Variants in NAA35 observed in about 807,000 individuals in gnomAD.
NAA35 encodes the protein N-alpha-acetyltransferase 35, NatC auxiliary subunit, also known as MAK10 homolog, amino-acid N-acetyltransferase subunit.
Under a neutral mutation model 101.7 loss-of-function variants are expected in NAA35, and 18 were observed. The ratio of observed to expected loss-of-function variants is 0.18; its 90% CI spans 0.12 to 0.26. The LOEUF (loss-of-function observed/expected upper bound fraction) is 0.26, where lower values mean the gene tolerates loss of function less well. Ranked by LOEUF, NAA35 falls within the 10% of genes least tolerant of loss-of-function variation. The pLI is 1.00. For missense variants in NAA35, 601 were observed against 886.8 expected, an observed-to-expected ratio of 0.68 and a Z score of 4.09; for synonymous variants, 267 against 273.1, an observed-to-expected ratio of 0.98 and a Z score of 0.22.
intron 17 of NAA35, chr9:86,015,734 G>C (rs1446726942): frequency 1.1e-6 from 1 of 940,930 alleles, no homozygotes; most frequent in Non-Finnish European, 1.3e-6. Context: ...TGATATTTGA[G>C]AAGAAAAGGC....
intron 11 of NAA35, among the ~76,000 whole-genome samples, chr9:85,988,055 G>T (rs1204183253): frequency 3.9e-5 from 6 of 152,320 alleles, no homozygotes; most frequent in African/African-American, 1.4e-4. Context: ...TAGTAGTCTA[G>T]TTAACTGGTA....
chr9:85,954,208 G>A (rs1829142226), intron 2 of NAA35, among the ~76,000 whole-genome samples: 2 of 152,074 alleles, frequency 1.3e-5, no homozygotes, highest in African/African-American at 2.4e-5. Context: ...AGCCTCCCCA[G>A]TAGCTAGGAC....
chr9:86,020,754 C>T (rs930327582), intron 21 of NAA35, 135 bp from the exon 22 acceptor site: 17 of 543,532 alleles, frequency 3.1e-5, no homozygotes, highest in Non-Finnish European at 5.5e-5. Context: ...TTGCCTGAAC[C>T]AGGAGGTTGA....
At chr9:85,995,619 T>C (rs1435402229) in intron 11 of NAA35, among the ~76,000 whole-genome samples, 1 of 152,190 alleles carries the variant, frequency 6.6e-6, no homozygotes, top group Non-Finnish European at 1.5e-5. Flanking sequence ...AATTTTATCT[T>C]TAATTGGCAT....
chr9:85,956,438 C>A lies in NAA35; in HGVS notation c.158+45C>A. 6 of 1,195,336 alleles carry A rather than the reference C, an allele frequency of 5.0e-6. No homozygotes were observed. The South Asian group carries it at 1.1e-4, about 21-fold the overall frequency. 74.0% of individuals were successfully genotyped at this position (1,195,336 alleles called of 1,614,324 possible). On this transcript the variant is annotated intron_variant, in intron 3 of 22. Transcript: ENST00000361671. ...AAATAGTGTAGTGTAATGTTTCAGTCTGTTTTTTTTTCCTCATGTGGAGTA... is the reference window on the plus strand; with the variant it reads ...AAATAGTGTAGTGTAATGTTTCAGTATGTTTTTTTTTCCTCATGTGGAGTA...
chr9:85,982,892 T>C (rs577131560), intron 11 of NAA35, among the ~76,000 whole-genome samples: 2 of 152,262 alleles, frequency 1.3e-5, no homozygotes, highest in African/African-American at 2.4e-5. Context: ...GACTTACCTA[T>C]CTCCAAATAA....
chr9:86,011,876 T>A (rs1187151301), intron 15 of NAA35, among the ~76,000 whole-genome samples: 1 of 141,710 alleles, frequency 7.1e-6, no homozygotes, highest in Non-Finnish European at 1.5e-5. Context: ...TATTTAAATA[T>A]ATAAATATAT....
chr9:85,977,549 C>T, intron 10 of NAA35, 103 bp downstream of exon 10: 1 of 737,940 alleles, frequency 1.4e-6, no homozygotes. Context: ...CTCCTGATCC[C>T]AGATATACAG....
At chr9:85,982,631 A>G (rs1830480976) in intron 11 of NAA35, among the ~76,000 whole-genome samples, 1 of 152,222 alleles carries the variant, frequency 6.6e-6, no homozygotes, top group East Asian at 1.9e-4. Flanking sequence ...AAATTAATAG[A>G]TACTCTTGGG....
At chr9:85,991,632 G>C (rs73476905) in intron 11 of NAA35, among the ~76,000 whole-genome samples, 7,048 of 152,196 alleles carry the variant, frequency 0.046, 534 homozygotes, top group African/African-American at 0.16. Context: ...ATGGGGTGAG[G>C]AGAGCATCTC....
intron 13 of NAA35, 60 bp downstream of exon 13, chr9:86,003,704 T>G: frequency 1.0e-6 from 1 of 997,710 alleles, no homozygotes; most frequent in Non-Finnish European, 1.5e-6. Flanking sequence ...TGACATTGTT[T>G]TATTGATTGA....
In NAA35 at chr9:85,984,613, C is replaced by T. The variant is rs141921694; in HGVS notation, c.877+6232C>T. Among the ~76,000 whole-genome samples, 439 of 152,250 alleles carry T rather than the reference C, an allele frequency of 2.9e-3. 5 individuals carry two copies. In the South Asian group the frequency reaches 0.034, roughly 12 times the overall value. ...CAATGAAGTGAAAACCAAGATCATA[C>T]TTCCTAAAGCAAAACTTACTCAAAG... On this transcript the variant is annotated intron_variant, in intron 11 of 22. Transcript: ENST00000361671.
chr9:85,942,227 A>C lies in NAA35; in HGVS notation c.68A>C (p.Glu23Ala). The C allele has an allele frequency of 6.2e-7, 1 of 1,614,196 alleles. No homozygotes were observed. The highest frequency in any genetic ancestry group is 8.5e-7 in the Non-Finnish European group (1 of 1,180,026). Residue 23 changes from glutamate to alanine, a missense_variant, in exon 2 of 23, where the codon GAG becomes GCG. Transcript: ENST00000361671. ...GWELSMPEKM[E>A]KSNTNWVDIT... ...GAGCTCAGTATGCCAGAAAAAATGG[A>C]GAAAAGCAATACAAACTGGGTGGAC...
At chr9:85,959,455 C>T (rs1829419767) in intron 4 of NAA35, among the ~76,000 whole-genome samples, 1 of 150,878 alleles carries the variant, frequency 6.6e-6, no homozygotes, top group African/African-American at 2.4e-5. Flanking sequence ...TATATTAATA[C>T]TTAAAGCTGG....
intron 11 of NAA35, among the ~76,000 whole-genome samples, chr9:85,990,832 C>T (rs948532426): frequency 6.6e-6 from 1 of 152,114 alleles, no homozygotes; most frequent in Non-Finnish European, 1.5e-5. Flanking sequence ...GTGGAGTGTA[C>T]TTGTAGCAGG....
intron 12 of NAA35, among the ~76,000 whole-genome samples, chr9:85,999,561 C>T (rs1002154489): frequency 4.6e-5 from 7 of 152,196 alleles, no homozygotes; most frequent in Admixed American, 1.3e-4. Context: ...GTCAATTTCA[C>T]TGAACCCTCT....
intron 1 of NAA35, chr9:85,941,627 G>T: frequency 5.1e-6 from 5 of 986,182 alleles, no homozygotes; most frequent in Non-Finnish European, 6.0e-6. Context: ...CCCTAGGCCC[G>T]GCCGGCGGGA....
At chr9:85,985,441 C>T (rs1023879199) in intron 11 of NAA35, among the ~76,000 whole-genome samples, 3 of 152,142 alleles carry the variant, frequency 2.0e-5, no homozygotes, top group African/African-American at 7.2e-5. Context: ...AAATGAAGTA[C>T]TGAAGGACCT....
At chr9:85,955,069 C>G (rs1368184430) in intron 2 of NAA35, among the ~76,000 whole-genome samples, 1 of 151,756 alleles carries the variant, frequency 6.6e-6, no homozygotes, top group African/African-American at 2.4e-5. Flanking sequence ...AGGCACCCAC[C>G]ACCACACCTG....
Sources: gnomAD v4.1 joint callset for allele counts (sites outside exome capture counted in the v4.1 genomes callset) on GRCh38, gnomAD v4.1.1 for gene constraint, MANE v1.5 for transcripts, NCBI Gene and HGNC (gene_info 2026-07-23, HGNC 2026-07-21) for gene names.